Variants in FZD6 observed in about 807,000 individuals in gnomAD.
The protein encoded by FZD6 is frizzled-6.
Under a neutral mutation model 61.4 loss-of-function variants are expected in FZD6, and 49 were observed. The ratio of observed to expected loss-of-function variants is 0.80; its 90% CI spans 0.63 to 1.01. The LOEUF (loss-of-function observed/expected upper bound fraction) is 1.01. Among genes scored for constraint, FZD6 ranks in the 50% least tolerant of loss-of-function variants. The pLI is 0.00. For missense variants in FZD6, 724 were observed against 848.2 expected (o/e 0.85, Z 1.82); for synonymous variants, 265 against 292.2 (o/e 0.91, Z 0.95).
Position 103,298,902 on chromosome 8 carries a change from C to G in FZD6, c.-246C>G, listed in dbSNP as rs1814056647. On this transcript the variant is annotated 5_prime_UTR_variant, in exon 1 of 7. Coordinates refer to ENST00000358755, the MANE Select transcript of FZD6 (RefSeq NM_003506.4). ...TGCGGCTCTCGAGGCAGCTCCAGTC[C>G]CGGACGCAACCCCGGAGCCGTCTCA... The G allele has an allele frequency of 6.5e-6, 1 of 153,696 alleles. No individual in the cohort carries two copies. The highest frequency in any genetic ancestry group is 2.4e-5 in the African/African-American group (1 of 41,448). The allele number at this position is 153,696 out of a possible 1,614,324, so 9.5% of individuals were successfully genotyped here. A position where few individuals can be genotyped will look rare whatever the true frequency, so the allele number is the denominator to read the frequency against.
At chr8:103,329,013 T>TTTTTATATATATATA (rs143400765) in intron 5 of FZD6, among the ~76,000 whole-genome samples, 1 of 115,178 alleles carries the variant, frequency 8.7e-6, no homozygotes, top group African/African-American at 3.0e-5. Flanking sequence ...CATTTTAGTT[T>TTTTTATATATATATA]TATATATATA....
upstream of FZD6, chr8:103,298,773 CCCG>C (rs539743508): frequency 0.44 from 69,411 of 158,222 alleles, 14,917 homozygotes; most frequent in East Asian, 0.59. Flanking sequence ...CAGGGCCAGT[CCCG>C]CCGCCGCCGC....
At chr8:103,326,172 G>A (rs956629043) in intron 4 of FZD6, among the ~76,000 whole-genome samples, 5 of 152,054 alleles carry the variant, frequency 3.3e-5, no homozygotes, top group Admixed American at 1.3e-4. Context: ...GACTCTGTGC[G>A]GTATTAACTG....
At chr8:103,307,681 C>A (rs1215789956) in intron 2 of FZD6, 1 of 438,954 alleles carries the variant, frequency 2.3e-6, no homozygotes, top group Non-Finnish European at 4.5e-6. Context: ...TCTTTTAACT[C>A]TGAAGAAGGA....
chr8:103,309,207 G>T (rs1814426851), intron 2 of FZD6, among the ~76,000 whole-genome samples: 1 of 152,184 alleles, frequency 6.6e-6, no homozygotes, highest in Non-Finnish European at 1.5e-5. Flanking sequence ...GTTCCTAGGG[G>T]ATGCTGATGC....
chr8:103,331,576 T>C lies in FZD6; in HGVS notation c.*67T>C, dbSNP rs1815135850. On this transcript the variant is annotated 3_prime_UTR_variant, in exon 7 of 7. Coordinates refer to ENST00000358755, the MANE Select transcript of FZD6 (RefSeq NM_003506.4). ...ACTGGAAGTGACCTATGCACTGTTT[T>C]GTAAGAATCACTGTTACATTCTTCT... 9.5e-7 allele frequency: 1 copy of C among 1,048,676 alleles called. No homozygotes were observed. The highest frequency in any genetic ancestry group is 1.5e-6 in the Non-Finnish European group (1 of 675,314). The allele number at this position is 1,048,676 out of a possible 1,614,324, so 65.0% of individuals were successfully genotyped here. A position where few individuals can be genotyped will look rare whatever the true frequency, so the allele number is the denominator to read the frequency against.
rs772185760 is a variant in FZD6, at chr8:103,324,608, T to C, written c.502T>C (p.Ser168Pro). The change falls in exon 4 of 7, where the codon TCT becomes CCT. Residue 168 changes from serine (S) to proline (P), a missense_variant. Physicochemically the swap from Ser to Pro is moderately conservative, Grantham distance 74. Transcript: ENST00000358755. ...GFWCPRHLKT[S>P]GGQGYKFLGI... ...TTGGTGTCCAAGGCATCTTAAGACTTCTGGGGGACAAGGATATAAGTTTCT... is the reference window on the plus strand; with the variant it reads ...TTGGTGTCCAAGGCATCTTAAGACTCCTGGGGGACAAGGATATAAGTTTCT... 1 of 1,614,066 alleles carries C rather than the reference T, an allele frequency of 6.2e-7. No individual in the cohort carries two copies. Among genetic ancestry groups the C allele is most frequent in the Admixed American group, 1.7e-5 (1 of 59,988 alleles).
At chr8:103,312,273 TG>T in intron 2 of FZD6, among the ~76,000 whole-genome samples, 1 of 152,362 alleles carries the variant, frequency 6.6e-6, no homozygotes, top group East Asian at 1.9e-4. Context: ...AGTTATTGAA[TG>T]GTAGAATCTC....
rs771982148 is a variant in FZD6, at chr8:103,300,161, G to A, written c.54G>A (p.Gly18=). 1.9e-6 allele frequency: 3 copies of A among 1,601,388 alleles called. No homozygotes were observed. The East Asian group carries it at 6.7e-5, about 36-fold the overall frequency. ...GTATTTTTCTACCCCTCCTAAGAGG[G>A]CACAGTCTCTTCACCTGTGAACCAA... The part of the protein sequence containing the change: ...LTCIFLPLLR[G]HSLFTCEPIT... The change falls in exon 2 of 7, where the codon GGG becomes GGA. Residue 18 remains glycine (G), a synonymous_variant. Transcript: ENST00000358755.
chr8:103,305,205 T>TG (rs1457171425), intron 2 of FZD6, among the ~76,000 whole-genome samples: 12 of 152,250 alleles, frequency 7.9e-5, no homozygotes, highest in African/African-American at 2.9e-4. Flanking sequence ...ACAGGAATGT[T>TG]GTATTTTTCT....
intron 6 of FZD6, among the ~76,000 whole-genome samples, 154 bp from the exon 7 acceptor site, chr8:103,331,187 A>T (rs80324560): frequency 1.4e-4 from 21 of 151,740 alleles, no homozygotes; most frequent in Non-Finnish European, 2.5e-4. Context: ...TCAAAAAAAA[A>T]ATTTGTATTT....
At position 103,331,481 on chromosome 8, in the gene FZD6, A is replaced by C. The variant is rs1347370815; in HGVS notation, c.2093A>C (p.Gln698Pro). The C allele has an allele frequency of 2.7e-5, 43 of 1,612,352 alleles. No homozygotes were observed. The highest frequency in any genetic ancestry group is 3.5e-5 in the Non-Finnish European group (41 of 1,178,484). The change falls in exon 7 of 7, where the codon CAG (glutamine) becomes CCG (proline). Residue 698 changes from glutamine (Q) to proline (P), a missense_variant. Coordinates refer to ENST00000358755, the MANE Select transcript of FZD6 (RefSeq NM_003506.4). Reference sequence around the variant, plus strand: ...CCGGTTTCAGGAGTGAGAAAAGAGCAGGGAGGTGGTTGTCATTCAGATACT... The same window carrying C: ...CCGGTTTCAGGAGTGAGAAAAGAGCCGGGAGGTGGTTGTCATTCAGATACT... ...VHPVSGVRKE[Q>P]GGGCHSDT
Position 103,325,473 on chromosome 8 carries a change from A to C in FZD6, c.1367A>C (p.Gln456Pro). ...ACTTGGGTCTCTGATCATTGTCGTC[A>C]GTACCATATCCCATGTCCTTATCAG... ...EITWVSDHCR[Q>P]YHIPCPYQAK... is the part of the protein sequence containing the mutation. Residue 456 changes from glutamine to proline, a missense_variant, in exon 4 of 7, where the codon CAG becomes CCG. By Grantham distance (76) the Gln-to-Pro change is moderately conservative (BLOSUM62 -1). Coordinates refer to ENST00000358755, the MANE Select transcript of FZD6 (RefSeq NM_003506.4). The C allele has an allele frequency of 6.2e-7, 1 of 1,612,888 alleles. No homozygotes were observed. The highest frequency in any genetic ancestry group is 8.5e-7 in the Non-Finnish European group (1 of 1,178,862).
intron 2 of FZD6, among the ~76,000 whole-genome samples, chr8:103,307,416 C>T (rs1851483): frequency 0.43 from 65,161 of 152,028 alleles, 14,554 homozygotes; most frequent in East Asian, 0.61. Context: ...ATTTGAAGCA[C>T]TGTTCAGATA....
intron 5 of FZD6, among the ~76,000 whole-genome samples, chr8:103,329,013 T>TATATATATATATATATATATATATA (rs1815041877): frequency 8.7e-6 from 1 of 115,178 alleles, no homozygotes; most frequent in Non-Finnish European, 1.8e-5. Context: ...CATTTTAGTT[T>TATATATATATATATATATATATATA]TATATATATA....
At chr8:103,298,773 CCCGCCGCCG>C (rs539743508), upstream of FZD6, 5,545 of 158,350 alleles carry the variant, frequency 0.035, 110 homozygotes, top group Middle Eastern at 0.048. Flanking sequence ...CAGGGCCAGT[CCCGCCGCCG>C]CCGCCGCCGC....
intron 2 of FZD6, 122 bp from the exon 3 acceptor site, chr8:103,318,464 TAGAG>T: frequency 7.3e-6 from 5 of 686,636 alleles, no homozygotes; most frequent in African/African-American, 1.8e-5. Context: ...ATAAGTCTGA[TAGAG>T]GGAGATTTAA....
intron 2 of FZD6, among the ~76,000 whole-genome samples, chr8:103,315,039 G>T (rs1223794387): frequency 6.6e-6 from 1 of 152,068 alleles, no homozygotes; most frequent in East Asian, 1.9e-4. Flanking sequence ...ATTTCCCAAA[G>T]CTTATAGGGA....
intron 2 of FZD6, among the ~76,000 whole-genome samples, chr8:103,309,768 C>T (rs565362318): frequency 1.3e-5 from 2 of 152,334 alleles, no homozygotes; most frequent in South Asian, 4.1e-4. Flanking sequence ...AGCCCAGTCT[C>T]TCTGAAGCTA....
Sources: allele counts gnomAD v4.1 joint callset (sites outside exome capture counted in the v4.1 genomes callset), GRCh38; gene constraint gnomAD v4.1.1; transcripts MANE v1.5; gene names NCBI Gene and HGNC (gene_info 2026-07-23, HGNC 2026-07-21).